ADCY8: variants seen among roughly 807,000 people sequenced by gnomAD.
ADCY8 encodes adenylate cyclase 8.
Under a neutral mutation model 119.7 loss-of-function variants are expected in ADCY8, and 51 were observed. That is an observed-to-expected ratio of 0.43 (90% CI 0.34 to 0.54). ADCY8 has a LOEUF of 0.54. ADCY8 is among the 20% of genes least tolerant of loss of function. The pLI is 0.03. For missense variants in ADCY8, 1,383 were observed against 1,598.8 expected (o/e 0.87, Z 2.30); for synonymous variants, 665 against 651.0 (o/e 1.02, Z -0.33).
chr8:130,867,177 G>T (rs936752943), intron 9 of ADCY8, among the ~76,000 whole-genome samples: 1 of 152,176 alleles, frequency 6.6e-6, no homozygotes, highest in African/African-American at 2.4e-5. Flanking sequence ...CCAGAACTAG[G>T]TTCAAATCCT....
chr8:130,937,334 C>T (rs1411067584), intron 4 of ADCY8, 134 bp from the exon 5 acceptor site: 4 of 878,068 alleles, frequency 4.6e-6, no homozygotes, highest in Non-Finnish European at 6.6e-6. Flanking sequence ...TTGAAATATA[C>T]TTCTACCTGT....
Position 130,807,440 on chromosome 8 carries a change from G to A in ADCY8, c.2913+6629C>T, listed in dbSNP as rs141721323. On this transcript the variant is annotated intron_variant, in intron 14 of 17. Coordinates refer to ENST00000286355, the MANE Select transcript of ADCY8 (RefSeq NM_001115.3). ...CACTGCCAGTGGGATAGTATTAAGA[G>A]GTGAGGGCTTTAGGAGGTGACTAAG... Among the ~76,000 whole-genome samples, 809 of 152,310 alleles carry A rather than the reference G, an allele frequency of 5.3e-3. 4 individuals carry two copies. Among genetic ancestry groups the A allele is most frequent in the African/African-American group, 0.018 (748 of 41,562 alleles).
chr8:130,961,154 G>C lies in ADCY8; in HGVS notation c.1111-9156C>G, dbSNP rs1033949726. The stretch of plus-strand genomic sequence containing the variant: ...AGACGGAGTCTCACTCTGTCACCCA[G>C]GCTGGAATGCAGTGGCGAGATCTTG... On this transcript the variant is annotated intron_variant, in intron 2 of 17. Transcript: ENST00000286355. 2.0e-5 allele frequency among the ~76,000 whole-genome samples: 3 copies of C among 152,200 alleles called. No homozygotes were observed. In the East Asian group the frequency reaches 5.8e-4, roughly 30 times the overall value.
chr8:130,842,820 C>T (rs76591622), intron 11 of ADCY8, among the ~76,000 whole-genome samples: 6,838 of 145,784 alleles, frequency 0.047, 169 homozygotes, highest in Middle Eastern at 0.12. Context: ...TGTAGTGAGC[C>T]GAGATTGCAC....
chr8:130,995,580 T>C (rs1406901801), intron 1 of ADCY8, among the ~76,000 whole-genome samples: 2 of 152,176 alleles, frequency 1.3e-5, no homozygotes. Context: ...CAATCTGATT[T>C]CTGTTACTTT....
At chr8:131,024,520 T>A (rs1823766962) in intron 1 of ADCY8, among the ~76,000 whole-genome samples, 2 of 152,328 alleles carry the variant, frequency 1.3e-5, no homozygotes, top group Non-Finnish European at 2.9e-5. Context: ...CTATTCAGGC[T>A]GTGTAAATGT....
At chr8:130,868,715 T>C (rs914992474) in intron 8 of ADCY8, among the ~76,000 whole-genome samples, 29 of 152,182 alleles carry the variant, frequency 1.9e-4, no homozygotes, top group African/African-American at 6.8e-4. Context: ...AAAAAGACCT[T>C]AGAATTAGCC....
chr8:130,836,269 G>A lies in ADCY8; in HGVS notation c.2675+8C>T. On this transcript the variant is annotated splice_region_variant and intron_variant, in intron 12 of 17. Transcript: ENST00000286355. ...GCACACTTTGGACTCACGGTGGTGGGCACTTACTCTCCACTGTGGTTGAGG... is the reference window on the plus strand; with the variant it reads ...GCACACTTTGGACTCACGGTGGTGGACACTTACTCTCCACTGTGGTTGAGG... The A allele has an allele frequency of 1.9e-6, 3 of 1,606,778 alleles. No homozygotes were observed. The South Asian group carries it at 3.3e-5, about 18-fold the overall frequency.
At chr8:130,963,290 G>A (rs1319785087) in intron 2 of ADCY8, among the ~76,000 whole-genome samples, 1 of 152,152 alleles carries the variant, frequency 6.6e-6, no homozygotes, top group Admixed American at 6.5e-5. Flanking sequence ...AAACCCTGTA[G>A]TGAAGTTTAA....
At chr8:130,786,335 G>T (rs1044637475) in intron 15 of ADCY8, among the ~76,000 whole-genome samples, 1 of 152,112 alleles carries the variant, frequency 6.6e-6, no homozygotes, top group African/African-American at 2.4e-5. Context: ...CTGTGGTTTC[G>T]GTTTTAATGC....
chr8:131,014,532 T>C (rs1823408870), intron 1 of ADCY8, among the ~76,000 whole-genome samples: 1 of 152,162 alleles, frequency 6.6e-6, no homozygotes, highest in Admixed American at 6.5e-5. Flanking sequence ...TACCATTTTT[T>C]TTAAAGCAGG....
intron 1 of ADCY8, among the ~76,000 whole-genome samples, chr8:131,019,714 A>G (rs1021294468): frequency 1.3e-5 from 2 of 151,924 alleles, no homozygotes; most frequent in African/African-American, 4.8e-5. Flanking sequence ...GAGACTACTC[A>G]GGTGAGCAAG....
intron 5 of ADCY8, among the ~76,000 whole-genome samples, chr8:130,928,711 T>A (rs1410144536): frequency 6.6e-6 from 1 of 152,216 alleles, no homozygotes; most frequent in East Asian, 1.9e-4. Flanking sequence ...AGGAATAAAA[T>A]CAGGAATATT....
intron 13 of ADCY8, among the ~76,000 whole-genome samples, chr8:130,819,725 G>C (rs910948078): frequency 1.3e-5 from 2 of 152,194 alleles, no homozygotes; most frequent in Admixed American, 1.3e-4. Context: ...AGAAATGAAA[G>C]CTGTCAAGTA....
chr8:130,959,322 G>C (rs763733091), intron 2 of ADCY8, among the ~76,000 whole-genome samples: 1 of 151,980 alleles, frequency 6.6e-6, no homozygotes, highest in East Asian at 1.9e-4. Flanking sequence ...TGGTTTTCTC[G>C]GTTACAGGAA....
intron 7 of ADCY8, chr8:130,892,515 C>A: frequency 6.6e-6 from 1 of 152,284 alleles, no homozygotes; most frequent in Non-Finnish European, 1.5e-5. Context: ...AACCCCACAA[C>A]CTCACTCTTG....
rs74844713 is a variant in ADCY8 at position 131,039,588 on chromosome 8, G to C, written c.746C>G (p.Thr249Ser). ...GATCTGGGTGGTCATGGCCACCCAG[G>C]TGACCACGCCGCTGTACTGCAGGTA... The part of the protein sequence containing the change: ...HTYLQYSGVV[T>S]WVAMTTQILA... The change falls in exon 1 of 18, where the codon ACC becomes AGC. Residue 249 changes from threonine (T) to serine (S), a missense_variant. This residue lies in a region of ADCY8 where 455 missense variants were observed against 435.3 expected (regional missense o/e 1.05). Transcript: ENST00000286355. The C allele has an allele frequency of 2.1e-3, 3,405 of 1,613,910 alleles. 6 individuals carry two copies. The highest frequency in any genetic ancestry group is 2.7e-3 in the Non-Finnish European group (3,195 of 1,180,012).
At chr8:130,883,856 A>G (rs1818874650) in intron 8 of ADCY8, among the ~76,000 whole-genome samples, 1 of 152,198 alleles carries the variant, frequency 6.6e-6, no homozygotes, top group Non-Finnish European at 1.5e-5. Flanking sequence ...ATGTGGTGAT[A>G]GCTGCCATCC....
At chr8:130,913,678 T>C (rs1013388776) in intron 5 of ADCY8, among the ~76,000 whole-genome samples, 3 of 152,090 alleles carry the variant, frequency 2.0e-5, no homozygotes, top group Non-Finnish European at 4.4e-5. Context: ...TAATAAAGTG[T>C]GAATGAAAAA....
Sources: allele counts gnomAD v4.1 joint callset (sites outside exome capture counted in the v4.1 genomes callset), GRCh38; gene constraint gnomAD v4.1.1; regional missense constraint gnomAD v4.1.1; transcripts MANE v1.5; gene names NCBI Gene and HGNC (gene_info 2026-07-23, HGNC 2026-07-21).